ZNF250: variants seen among roughly 807,000 people sequenced by gnomAD.
The protein encoded by ZNF250 is zinc finger protein 250.
In ZNF250, 13 loss-of-function variants were observed where a neutral mutation model predicts 37.1. The ratio of observed to expected loss-of-function variants is 0.35; its 90% CI spans 0.23 to 0.56. The LOEUF is 0.56. Ranked by LOEUF, ZNF250 falls within the 20% of genes least tolerant of loss-of-function variation. ZNF250 has a pLI of 0.87. For missense variants in ZNF250, 474 were observed against 697.9 expected (o/e 0.68, Z 3.61); for synonymous variants, 251 against 265.6 (o/e 0.94, Z 0.54).
At chr8:144,893,238 CCT>C (rs766398318) in intron 1 of ZNF250, among the ~76,000 whole-genome samples, 1 of 152,144 alleles carries the variant, frequency 6.6e-6, no homozygotes, top group African/African-American at 2.4e-5. Context: ...TCCTGGTCCC[CCT>C]GTCTGACATC....
Position 144,891,072 on chromosome 8 carries a change from C to G in ZNF250, c.-54-669G>C, listed in dbSNP as rs1227928042. Among the ~76,000 whole-genome samples the G allele has an allele frequency of 6.6e-6, 1 of 152,086 alleles. No homozygotes were observed. The highest frequency in any genetic ancestry group is 2.4e-5 in the African/African-American group (1 of 41,386). Reference sequence around the variant, plus strand: ...GATGCTTGGGGTAGTGGGGCTGGTGCTGGAACGTAACAGGACAAGGTAAGC... The same window carrying G: ...GATGCTTGGGGTAGTGGGGCTGGTGGTGGAACGTAACAGGACAAGGTAAGC... On this transcript the variant is annotated intron_variant, in intron 1 of 5. Coordinates refer to ENST00000417550, the MANE Select transcript of ZNF250 (RefSeq NM_001109689.4). This position sits in a 1 kb window ranked among gnomAD's most constrained non-coding sequence, Gnocchi z 4.0.
chr8:144,883,127 G>C (rs148149699), intron 5 of ZNF250, among the ~76,000 whole-genome samples: 1 of 152,218 alleles, frequency 6.6e-6, no homozygotes, highest in East Asian at 1.9e-4. Context: ...GCCCAGTGGT[G>C]CCTGAGTCCT....
At chr8:144,898,778 G>A (rs1338475753) in intron 1 of ZNF250, among the ~76,000 whole-genome samples, 2 of 152,090 alleles carry the variant, frequency 1.3e-5, no homozygotes, top group Non-Finnish European at 2.9e-5. Context: ...ACAGGTAAAT[G>A]ATCTGAGTAA....
rs145112287 is a variant in ZNF250, at chr8:144,880,790, G to T, written c.*725C>A. 3.6e-5 allele frequency: 10 copies of T among 276,046 alleles called. No individual in the cohort carries two copies. In the East Asian group the frequency reaches 7.3e-4, roughly 20 times the overall value. 17.1% of individuals were successfully genotyped at this position (276,046 alleles called of 1,614,324 possible). ...GAGGCACAAGAAAAGCTTGAACCTG[G>T]GGTGGGGGCGGAGACTGCAGTGAGC... On this transcript the variant is annotated 3_prime_UTR_variant, in exon 6 of 6. Transcript: ENST00000417550.
At chr8:144,893,987 G>C (rs573643920) in intron 1 of ZNF250, among the ~76,000 whole-genome samples, 5 of 152,066 alleles carry the variant, frequency 3.3e-5, no homozygotes, top group Non-Finnish European at 5.9e-5. Flanking sequence ...AGTCAGTTGA[G>C]CCCAGTAGCT....
chr8:144,900,763 C>T (rs1247647148), intron 1 of ZNF250, among the ~76,000 whole-genome samples: 1 of 152,178 alleles, frequency 6.6e-6, no homozygotes, highest in African/African-American at 2.4e-5. Flanking sequence ...CGTCTTGACG[C>T]GGGAAGACTT....
intron 1 of ZNF250, among the ~76,000 whole-genome samples, chr8:144,898,739 T>G (rs958729873): frequency 2.0e-5 from 3 of 152,096 alleles, no homozygotes; most frequent in Non-Finnish European, 2.9e-5. Flanking sequence ...AACAATTCAA[T>G]AGAAAGAGAC....
rs752241118 is a variant in ZNF250, at chr8:144,881,532, C to T, written c.1651G>A (p.Val551Met). The T allele has an allele frequency of 8.2e-6, 13 of 1,592,666 alleles. No homozygotes were observed. The highest frequency in any genetic ancestry group is 1.0e-5 in the Non-Finnish European group (12 of 1,165,488). ...QHGHLIQHQKVHRKL is the reference protein window; with the variant it reads ...QHGHLIQHQKMHRKL ...GCCATGGGTCACAACTTTCTGTGCA[C>T]TTTCTGGTGCTGGATTAGGTGGCCA... The change falls in exon 6 of 6, where the codon GTG becomes ATG. Residue 551 changes from valine (V) to methionine (M), a missense_variant. This residue lies in a region of ZNF250 where 282 missense variants were observed against 470.4 expected (regional missense o/e 0.60). Transcript: ENST00000417550.
At chr8:144,885,191 C>G (rs1831782088) in intron 5 of ZNF250, among the ~76,000 whole-genome samples, 2 of 152,202 alleles carry the variant, frequency 1.3e-5, no homozygotes, top group African/African-American at 4.8e-5. Flanking sequence ...ACGATCTCAG[C>G]TCACCGCAAC....
chr8:144,897,895 C>G lies in ZNF250; in HGVS notation c.-55+3504G>C, dbSNP rs1038863345. ...TGCTATTGTTTGTGGCTTAAGAATG[C>G]CTTTAAGGGGTTTTCCACCCTGGGC... On this transcript the variant is annotated intron_variant, in intron 1 of 5. Coordinates refer to ENST00000417550, the MANE Select transcript of ZNF250 (RefSeq NM_001109689.4). This position sits in a 1 kb window ranked among gnomAD's most constrained non-coding sequence, Gnocchi z 5.2. Among the ~76,000 whole-genome samples the G allele has an allele frequency of 2.0e-5, 3 of 152,166 alleles. No individual in the cohort carries two copies. Among genetic ancestry groups the G allele is most frequent in the African/African-American group, 7.2e-5 (3 of 41,432 alleles).
In ZNF250 at chr8:144,882,137, A is replaced by T. The variant is rs1456302692; in HGVS notation, c.1046T>A (p.Leu349Gln). The T allele has an allele frequency of 6.2e-7, 1 of 1,613,194 alleles. No homozygotes were observed. Among genetic ancestry groups the T allele is most frequent in the African/African-American group, 1.3e-5 (1 of 74,566 alleles). The change falls in exon 6 of 6, where the codon CTG (leucine) becomes CAG (glutamine). Residue 349 changes from leucine (L) to glutamine (Q), a missense_variant. Coordinates refer to ENST00000417550, the MANE Select transcript of ZNF250 (RefSeq NM_001109689.4). This position sits in a 1 kb window ranked among gnomAD's most constrained non-coding sequence, Gnocchi z 5.5. The stretch of plus-strand genomic sequence containing the variant: ...GGTGTGGATCCTCTGGTGCTGCAGC[A>T]GTGTCCTCTTCACACTGAAGGTTTT... ...CGKTFSVKRT[L>Q]LQHQRIHTGE...
chr8:144,882,986 T>C lies in ZNF250; in HGVS notation c.347-150A>G. 1 of 872,810 alleles carries C rather than the reference T, an allele frequency of 1.1e-6. No homozygotes were observed. The highest frequency in any genetic ancestry group is 1.8e-6 in the Non-Finnish European group (1 of 562,600). The allele number at this position is 872,810 out of a possible 1,614,324, so 54.1% of individuals were successfully genotyped here. On this transcript the variant is annotated intron_variant, in intron 5 of 5. Transcript: ENST00000417550. The surrounding 1 kb of genome is among the most constrained non-coding windows in gnomAD (Gnocchi z 5.5). ...CAGAAGAACAGAACCACCATAACTG[T>C]GTCAAACAACTAGATATCAGAAGAT... is the stretch of plus-strand genomic sequence containing the variant.
Position 144,881,638 on chromosome 8 carries a change from T to G in ZNF250, c.1545A>C (p.Ser515=). The G allele has an allele frequency of 1.9e-6, 3 of 1,613,514 alleles. No individual in the cohort carries two copies. Among genetic ancestry groups the G allele is most frequent in the Non-Finnish European group, 2.5e-6 (3 of 1,179,800 alleles). Residue 515 remains serine (S), a synonymous_variant, in exon 6 of 6, where the codon TCA becomes TCC. Coordinates refer to ENST00000417550, the MANE Select transcript of ZNF250 (RefSeq NM_001109689.4). ...NSCGKAFSQY[S]VLIQHQRIHT... ...GGATCCGCTGGTGCTGGATGAGCACTGAGTACTGGCTGAAGGCCTTCCCGC... is the reference window on the plus strand; with the variant it reads ...GGATCCGCTGGTGCTGGATGAGCACGGAGTACTGGCTGAAGGCCTTCCCGC...
rs1317473186 is a variant in ZNF250, at chr8:144,882,538, G to A, written c.645C>T (p.Ile215=). Residue 215 remains isoleucine, a synonymous_variant, in exon 6 of 6, where the codon ATC becomes ATT. Transcript: ENST00000417550. The surrounding 1 kb of genome is among the most constrained non-coding windows in gnomAD (Gnocchi z 5.5). ...RSSHLLQHQR[I]HTGEKPYVCS... ...ACACATAGGGCTTCTCTCCAGTGTG[G>A]ATACGCTGATGCTGAAGGAGGTGGG... 4 of 1,614,048 alleles carry A rather than the reference G, an allele frequency of 2.5e-6. No individual in the cohort carries two copies. The African/African-American group carries it at 5.3e-5, about 22-fold the overall frequency.
intron 1 of ZNF250, among the ~76,000 whole-genome samples, chr8:144,893,123 A>T (rs1452601418): frequency 6.6e-6 from 1 of 152,178 alleles, no homozygotes; most frequent in Non-Finnish European, 1.5e-5. Context: ...TTGGCCTCCC[A>T]AAGTGCTGGG....
intron 4 of ZNF250, among the ~76,000 whole-genome samples, chr8:144,889,187 G>A (rs1019471461): frequency 2.6e-5 from 4 of 152,224 alleles, no homozygotes; most frequent in African/African-American, 9.6e-5. Flanking sequence ...CACCTTAAGT[G>A]TCAGGTTGAG....
Position 144,880,215 on chromosome 8 carries a change from AC to A in ZNF250, c.*1299del. 4.3e-6 allele frequency: 1 copy of A among 232,342 alleles called. No individual in the cohort carries two copies. Among genetic ancestry groups the A allele is most frequent in the South Asian group, 5.2e-5 (1 of 19,334 alleles). 14.4% of individuals were successfully genotyped at this position (232,342 alleles called of 1,614,324 possible). On this transcript the variant is annotated 3_prime_UTR_variant, in exon 6 of 6. Coordinates refer to ENST00000417550, the MANE Select transcript of ZNF250 (RefSeq NM_001109689.4). ...CAGGAGTAAAAAAATGAAAAAAAAA[AC>A]CCCTTCAAATATAGGAATAGAAATA...
chr8:144,882,690 T>C lies in ZNF250; in HGVS notation c.493A>G (p.Asn165Asp), dbSNP rs753368879. Residue 165 changes from asparagine (N) to aspartate (D), a missense_variant, in exon 6 of 6, where the codon AAC (asparagine) becomes GAC (aspartate). This residue lies in a region of ZNF250 where 192 missense variants were observed against 227.5 expected (regional missense o/e 0.84). Coordinates refer to ENST00000417550, the MANE Select transcript of ZNF250 (RefSeq NM_001109689.4). This position sits in a 1 kb window ranked among gnomAD's most constrained non-coding sequence, Gnocchi z 5.5. ...ETKQSFCLSPNSVDHREVQVL... is the reference protein window; with the variant it reads ...ETKQSFCLSPDSVDHREVQVL... ...TGAACTTCACGGTGGTCAACAGAGT[T>C]TGGACTCAGACAGAAGCTTTGCTTT... 6.2e-7 allele frequency: 1 copy of C among 1,613,864 alleles called. No individual in the cohort carries two copies. Among genetic ancestry groups the C allele is most frequent in the East Asian group, 2.2e-5 (1 of 44,872 alleles).
intron 1 of ZNF250, among the ~76,000 whole-genome samples, chr8:144,896,615 G>A (rs550775423): frequency 2.6e-5 from 4 of 152,104 alleles, no homozygotes; most frequent in Admixed American, 6.6e-5. Context: ...CACACTTCAC[G>A]GGATTCTGAC....
Sources: gnomAD v4.1 joint callset for allele counts (sites outside exome capture counted in the v4.1 genomes callset) on GRCh38, gnomAD v4.1.1 for gene constraint, gnomAD v4.1.1 regional missense constraint, Gnocchi (gnomAD v3.1) non-coding constraint, MANE v1.5 for transcripts, NCBI Gene and HGNC (gene_info 2026-07-23, HGNC 2026-07-21) for gene names.